CACNA1D: variants seen among roughly 807,000 people sequenced by gnomAD.
The protein encoded by CACNA1D is calcium voltage-gated channel subunit alpha1 D.
CACNA1D carries 55 observed loss-of-function variants against 257.1 expected under a neutral mutation model. The observed-to-expected ratio is 0.21, with a 90% CI of 0.17 to 0.27. The LOEUF is 0.27. Ranked by LOEUF, CACNA1D falls within the 10% of genes least tolerant of loss-of-function variation. CACNA1D has a pLI of 1.00. For synonymous variants in CACNA1D, 980 were observed against 1,014.9 expected, an observed-to-expected ratio of 0.97 and a Z score of 0.65; for missense variants, 1,876 against 2,784.0, an observed-to-expected ratio of 0.67 and a Z score of 7.34.
At chr3:53,676,216 G>A (rs2094374972) in intron 8 of CACNA1D, among the ~76,000 whole-genome samples, 2 of 152,106 alleles carry the variant, frequency 1.3e-5, no homozygotes, top group South Asian at 4.1e-4. Flanking sequence ...AGATGAGGAG[G>A]CATCTCCCCC....
intron 27 of CACNA1D, among the ~76,000 whole-genome samples, 179 bp downstream of exon 27, chr3:53,749,648 T>C (rs2108867165): frequency 6.6e-6 from 1 of 152,324 alleles, no homozygotes; most frequent in Middle Eastern, 3.4e-3. Flanking sequence ...AGCGTTAGGT[T>C]TCCCGATACA....
rs1453153869 is a variant in CACNA1D at position 53,497,386 on chromosome 3, G to C, written c.302G>C (p.Arg101Pro). 6 of 1,614,136 alleles carry C rather than the reference G, an allele frequency of 3.7e-6. No homozygotes were observed. The highest frequency in any genetic ancestry group is 5.1e-6 in the Non-Finnish European group (6 of 1,180,026). Residue 101 changes from arginine to proline, a missense_variant, in exon 2 of 48, where the codon CGA becomes CCA. Around this residue, in one of 10 missense-constraint regions of CACNA1D, gnomAD observed 143 missense variants for 168.7 expected, o/e 0.85. Transcript: ENST00000350061. The part of the protein sequence containing the change: ...SKKQGNSSNS[R>P]PARALFCLSL... ...AAACAGGGTAACTCGTCCAACAGCC[G>C]ACCTGCCCGCGCCCTTTTCTGTTTA... is the stretch of plus-strand genomic sequence containing the variant.
At position 53,750,361 on chromosome 3, in the gene CACNA1D, G is replaced by A. The variant is rs150162977; in HGVS notation, c.3516+892G>A. Among the ~76,000 whole-genome samples, 156 of 152,282 alleles carry A rather than the reference G, an allele frequency of 1.0e-3. 1 individual carries two copies. In the Middle Eastern group the frequency reaches 0.02, roughly 20 times the overall value. On this transcript the variant is annotated intron_variant, in intron 27 of 47. Transcript: ENST00000350061. ...CAGCCCTGAAAGAGTCTACAAGATC[G>A]AGATTCTTTTCTGGGAGTTTCCCCG...
chr3:53,639,771 A>G (rs150039029), intron 3 of CACNA1D, among the ~76,000 whole-genome samples: 71 of 152,274 alleles, frequency 4.7e-4, no homozygotes, highest in Non-Finnish European at 7.6e-4. Context: ...AATGGAGAAA[A>G]AGAATGACTG....
intron 4 of CACNA1D, among the ~76,000 whole-genome samples, chr3:53,658,218 GGTGA>G (rs758765967): frequency 2.0e-5 from 3 of 150,738 alleles, no homozygotes; most frequent in Non-Finnish European, 4.4e-5. Flanking sequence ...GAGGCGTGGT[GGTGA>G]GGAACAGAAT....
chr3:53,727,230 C>T (rs927388224), intron 15 of CACNA1D, among the ~76,000 whole-genome samples: 3 of 152,202 alleles, frequency 2.0e-5, no homozygotes, highest in African/African-American at 7.2e-5. Flanking sequence ...GAGAAGCAAG[C>T]CCAGGGAAGG....
intron 39 of CACNA1D, chr3:53,782,264 G>GTGTATATATATATATATATATATATA (rs6147823): frequency 9.3e-5 from 7 of 75,440 alleles, no homozygotes; most frequent in African/African-American, 1.3e-4. Flanking sequence ...GTGTGTGTGT[G>GTGTATATATATATATATATATATATA]TATATATATA....
intron 7 of CACNA1D, among the ~76,000 whole-genome samples, chr3:53,669,402 A>G (rs879268741): frequency 6.6e-6 from 1 of 151,908 alleles, no homozygotes; most frequent in Non-Finnish European, 1.5e-5. Context: ...TTGAATATCT[A>G]TTTTTATCCA....
intron 3 of CACNA1D, among the ~76,000 whole-genome samples, chr3:53,608,228 A>C (rs1394144181): frequency 6.6e-6 from 1 of 152,198 alleles, no homozygotes; most frequent in Non-Finnish European, 1.5e-5. Flanking sequence ...TTCTAAATGC[A>C]TCCCTATATC....
intron 19 of CACNA1D, 85 bp downstream of exon 19, chr3:53,733,047 G>T (rs1311881453): frequency 7.1e-7 from 1 of 1,403,394 alleles, no homozygotes; most frequent in Non-Finnish European, 1.0e-6. Flanking sequence ...GTGGGGGTGA[G>T]GGGAAGTGGT....
At chr3:53,738,803 A>G (rs1041167991) in intron 20 of CACNA1D, among the ~76,000 whole-genome samples, 12 of 151,956 alleles carry the variant, frequency 7.9e-5, no homozygotes, top group African/African-American at 2.9e-4. Context: ...AGGGAAAAAA[A>G]CAGCTTAAAT....
intron 11 of CACNA1D, among the ~76,000 whole-genome samples, chr3:53,722,067 G>A (rs1203624134): frequency 6.6e-6 from 1 of 152,210 alleles, no homozygotes; most frequent in Non-Finnish European, 1.5e-5. Context: ...TTATCTATAA[G>A]CCATAAGGAA....
rs1420405579 is a variant in CACNA1D at position 53,812,220 on chromosome 3, TTACTG to T, written c.*817_*821del. 6.6e-6 allele frequency: 1 copy of T among 152,252 alleles called. No homozygotes were observed. Among genetic ancestry groups the T allele is most frequent in the Non-Finnish European group, 1.5e-5 (1 of 68,050 alleles). 9.4% of individuals were successfully genotyped at this position (152,252 alleles called of 1,614,324 possible). Reference sequence around the variant, plus strand: ...TAAAGAGATGGTCTATATTTTGTAATTACTGTATTGTATTTGAACTGCAGCAATAT... The same window carrying T: ...TAAAGAGATGGTCTATATTTTGTAATTATTGTATTTGAACTGCAGCAATAT... On this transcript the variant is annotated 3_prime_UTR_variant, in exon 48 of 48. Transcript: ENST00000350061.
At chr3:53,563,533 CAAAA>C (rs34553768) in intron 3 of CACNA1D, among the ~76,000 whole-genome samples, 2 of 95,518 alleles carry the variant, frequency 2.1e-5, no homozygotes, top group African/African-American at 4.2e-5. Context: ...GACTCTGTCT[CAAAA>C]AAAAAAAAAA....
intron 14 of CACNA1D, 148 bp from the exon 15 acceptor site, chr3:53,726,731 T>C: frequency 2.3e-6 from 2 of 873,030 alleles, no homozygotes; most frequent in South Asian, 1.4e-5. Flanking sequence ...GTTTTAGAAA[T>C]TCCATGGGAT....
intron 19 of CACNA1D, among the ~76,000 whole-genome samples, chr3:53,733,930 T>TGTG: frequency 7.5e-6 from 1 of 134,044 alleles, no homozygotes; most frequent in East Asian, 2.1e-4. Context: ...GTGTGTGTGT[T>TGTG]TGTGTGTGTG....
intron 3 of CACNA1D, among the ~76,000 whole-genome samples, chr3:53,502,559 A>T (rs73084382): frequency 0.048 from 6,802 of 141,394 alleles, 182 homozygotes; most frequent in Non-Finnish European, 0.065. Context: ...TTTTTTTTTT[A>T]AAAAAAAAGC....
rs1278376954 is a variant in CACNA1D at position 53,612,537 on chromosome 3, A to C, written c.484-38242A>C. 3.3e-5 allele frequency among the ~76,000 whole-genome samples: 5 copies of C among 152,242 alleles called. No homozygotes were observed. The East Asian group carries it at 7.7e-4, about 23-fold the overall frequency. ...GAATGCTGGGATCTGTTCAGCTCACAGTTTCAGAGTTGCTTTTTGCTTAGC... is the reference window on the plus strand; with the variant it reads ...GAATGCTGGGATCTGTTCAGCTCACCGTTTCAGAGTTGCTTTTTGCTTAGC... On this transcript the variant is annotated intron_variant, in intron 3 of 47. Transcript: ENST00000350061.
chr3:53,665,977 A>G (rs2094257759), intron 6 of CACNA1D, among the ~76,000 whole-genome samples, 165 bp downstream of exon 6: 1 of 152,194 alleles, frequency 6.6e-6, no homozygotes, highest in Non-Finnish European at 1.5e-5. Flanking sequence ...TTCAGAATAG[A>G]TGAGAATTCA....
Sources: allele counts gnomAD v4.1 joint callset (sites outside exome capture counted in the v4.1 genomes callset), GRCh38; gene constraint gnomAD v4.1.1; regional missense constraint gnomAD v4.1.1; transcripts MANE v1.5; gene names NCBI Gene and HGNC (gene_info 2026-07-23, HGNC 2026-07-21).